The following CRACR2A variants were observed in gnomAD, a reference collection of about 807,000 sequenced individuals.
The protein encoded by CRACR2A is EF-hand calcium-binding domain-containing protein 4B.
A neutral mutation model predicts 90.5 loss-of-function variants in CRACR2A; 79 were observed. The observed-to-expected ratio is 0.87, with a 90% CI of 0.73 to 1.05. CRACR2A has a LOEUF of 1.05. CRACR2A is among the 50% of genes least tolerant of loss of function. The probability of loss-of-function intolerance (pLI) is 0.00; values close to 1 mark genes in which losing one functional copy is unlikely to be tolerated. For missense variants in CRACR2A, 823 were observed against 897.2 expected, an observed-to-expected ratio of 0.92 and a Z score of 1.06; for synonymous variants, 338 against 356.7, an observed-to-expected ratio of 0.95 and a Z score of 0.59.
intron 14 of CRACR2A, among the ~76,000 whole-genome samples, chr12:3,637,797 A>C (rs1395753566): frequency 6.6e-6 from 1 of 152,206 alleles, no homozygotes; most frequent in African/African-American, 2.4e-5. Flanking sequence ...GTGTGCTCTC[A>C]TGGTAACTGG....
At chr12:3,629,100 C>T (rs1038400419) in intron 15 of CRACR2A, among the ~76,000 whole-genome samples, 1 of 152,188 alleles carries the variant, frequency 6.6e-6, no homozygotes, top group African/African-American at 2.4e-5. Context: ...TTCACAGAGT[C>T]CCACTGTGAC....
At chr12:3,629,671 C>G (rs989990767) in intron 15 of CRACR2A, among the ~76,000 whole-genome samples, 16 of 152,182 alleles carry the variant, frequency 1.1e-4, no homozygotes, top group African/African-American at 3.9e-4. Context: ...CTGCCTCTGG[C>G]AGGGAGTGAG....
intron 3 of CRACR2A, among the ~76,000 whole-genome samples, chr12:3,703,150 G>A (rs1480333400): frequency 5.3e-5 from 8 of 152,152 alleles, no homozygotes; most frequent in East Asian, 1.9e-4. Flanking sequence ...GTGCAGTGGC[G>A]CGATCTCTGG....
chr12:3,622,632 G>T (rs982285255), intron 17 of CRACR2A, among the ~76,000 whole-genome samples: 2 of 151,132 alleles, frequency 1.3e-5, no homozygotes, highest in African/African-American at 4.9e-5. Flanking sequence ...CTATGTGCAT[G>T]TGTGTGTGTG....
Position 3,633,465 on chromosome 12 carries a change from G to T in CRACR2A, c.1735+139C>A, listed in dbSNP as rs1442040745. The T allele has an allele frequency of 4.3e-6, 5 of 1,176,058 alleles. No individual in the cohort carries two copies. The highest frequency in any genetic ancestry group is 2.4e-5 in the Admixed American group (1 of 41,222). 72.9% of individuals were successfully genotyped at this position (1,176,058 alleles called of 1,614,324 possible). ...CCCCTCCCAGCCTGTCTGTTGAACA[G>T]AGCAGACACCAGTATCCCTACTGGC... On this transcript the variant is annotated intron_variant, in intron 15 of 19. Coordinates refer to ENST00000440314, the MANE Select transcript of CRACR2A (RefSeq NM_001144958.2). This position sits in a 1 kb window ranked among gnomAD's most constrained non-coding sequence, Gnocchi z 4.5.
At chr12:3,707,286 C>G (rs1197928382) in intron 3 of CRACR2A, among the ~76,000 whole-genome samples, 1 of 152,208 alleles carries the variant, frequency 6.6e-6, no homozygotes, top group African/African-American at 2.4e-5. Context: ...TCAAGGGAGA[C>G]AGGGAACAGC....
At chr12:3,639,457 A>AACACACACTCACACACACACACACAC (rs1555107011) in intron 13 of CRACR2A, among the ~76,000 whole-genome samples, 1 of 139,466 alleles carries the variant, frequency 7.2e-6, no homozygotes, top group Non-Finnish European at 1.5e-5. Flanking sequence ...CCAGAATTGA[A>AACACACACTCACACACACACACACAC]ACACACACAC....
intron 3 of CRACR2A, among the ~76,000 whole-genome samples, chr12:3,704,225 T>C (rs1945880070): frequency 6.6e-6 from 1 of 152,224 alleles, no homozygotes; most frequent in South Asian, 2.1e-4. Flanking sequence ...TTAAAGGGAA[T>C]GAACTGTTGA....
At chr12:3,669,780 G>A (rs1475340059) in intron 7 of CRACR2A, among the ~76,000 whole-genome samples, 3 of 152,156 alleles carry the variant, frequency 2.0e-5, no homozygotes, top group Non-Finnish European at 4.4e-5. Flanking sequence ...GGAAGCTGGG[G>A]TGGGCCTTTT....
intron 7 of CRACR2A, among the ~76,000 whole-genome samples, chr12:3,664,190 TTTA>T (rs1483258961): frequency 6.6e-6 from 1 of 152,240 alleles, no homozygotes; most frequent in Non-Finnish European, 1.5e-5. Context: ...GGTTTCTAGT[TTTA>T]TTATATTATA....
In CRACR2A at chr12:3,719,762, C is replaced by T. The variant is rs982390738; in HGVS notation, c.-117-6445G>A. On this transcript the variant is annotated intron_variant, in intron 2 of 19. Transcript: ENST00000440314. The stretch of plus-strand genomic sequence containing the variant: ...TCAGATTGTGAATGGACTTATCTCT[C>T]TTATATCTGCTTTCATTGTCCTGCT... 3.9e-5 allele frequency among the ~76,000 whole-genome samples: 6 copies of T among 152,280 alleles called. No homozygotes were observed. The South Asian group carries it at 1.2e-3, about 32-fold the overall frequency.
Position 3,679,075 on chromosome 12 carries a change from T to C in CRACR2A, c.364A>G (p.Asn122Asp). ...GFSHFFFSQN[N>D]PSQEDAGEQV... is the part of the protein sequence containing the mutation. ...TCACCTGCATCTTCCTGACTTGGGT[T>C]ATTCTGGCTGAAGAAGAAGTGACCT... The change falls in exon 6 of 20, where the codon AAC (asparagine) becomes GAC (aspartate). Residue 122 changes from asparagine (N) to aspartate (D), a missense_variant. Physicochemically the swap from Asn to Asp is conservative, Grantham distance 23. Coordinates refer to ENST00000440314, the MANE Select transcript of CRACR2A (RefSeq NM_001144958.2). The C allele has an allele frequency of 6.2e-7, 1 of 1,613,096 alleles. No homozygotes were observed. Among genetic ancestry groups the C allele is most frequent in the Non-Finnish European group, 8.5e-7 (1 of 1,179,596 alleles).
At chr12:3,751,479 TTAA>T (rs1434263995) in intron 1 of CRACR2A, among the ~76,000 whole-genome samples, 2 of 152,174 alleles carry the variant, frequency 1.3e-5, no homozygotes, top group African/African-American at 4.8e-5. Context: ...ATCCCTAGGC[TTAA>T]TAATGAAGTT....
At position 3,695,012 on chromosome 12, in the gene CRACR2A, G is replaced by A. The variant is rs12579245; in HGVS notation, c.228+1760C>T. Among the ~76,000 whole-genome samples the A allele has an allele frequency of 1.8e-3, 281 of 152,228 alleles. 5 individuals are homozygous for A. The East Asian group carries it at 0.035, about 19-fold the overall frequency. ...ACTATATTTCAAGTCAAATACAAGCGATTTCTTTAAAACTTTATACCTAGT... is the reference window on the plus strand; with the variant it reads ...ACTATATTTCAAGTCAAATACAAGCAATTTCTTTAAAACTTTATACCTAGT... On this transcript the variant is annotated intron_variant, in intron 4 of 19. Coordinates refer to ENST00000440314, the MANE Select transcript of CRACR2A (RefSeq NM_001144958.2).
intron 7 of CRACR2A, among the ~76,000 whole-genome samples, chr12:3,670,697 A>G (rs1402568242): frequency 6.6e-6 from 1 of 152,198 alleles, no homozygotes; most frequent in Non-Finnish European, 1.5e-5. Flanking sequence ...TGATGCCCAG[A>G]GAGGTAATGC....
chr12:3,721,729 G>A (rs978012622), intron 2 of CRACR2A, among the ~76,000 whole-genome samples: 2 of 152,108 alleles, frequency 1.3e-5, no homozygotes, highest in Non-Finnish European at 2.9e-5. Flanking sequence ...ACTGAAAAAA[G>A]ACTAGAAGGA....
In CRACR2A at chr12:3,737,722, C is replaced by T. The variant is rs184643504; in HGVS notation, c.-386-4512G>A. On this transcript the variant is annotated intron_variant, in intron 1 of 19. Coordinates refer to ENST00000440314, the MANE Select transcript of CRACR2A (RefSeq NM_001144958.2). ...AGTGGGGGGAAGGAGCAGTTGAGGC[C>T]AGCATGGACTCTGTGGTCCCATCTA... Among the ~76,000 whole-genome samples the T allele has an allele frequency of 1.6e-4, 24 of 152,276 alleles. No homozygotes were observed. The East Asian group carries it at 4.3e-3, about 27-fold the overall frequency.
chr12:3,738,589 G>A (rs192040158), intron 1 of CRACR2A, among the ~76,000 whole-genome samples: 3 of 152,082 alleles, frequency 2.0e-5, no homozygotes, highest in African/African-American at 7.2e-5. Flanking sequence ...TAACCAAAAT[G>A]CAGCACAAAA....
At chr12:3,618,546 C>G (rs4765744) in intron 18 of CRACR2A, among the ~76,000 whole-genome samples, 3 of 152,100 alleles carry the variant, frequency 2.0e-5, no homozygotes, top group African/African-American at 7.2e-5. Context: ...CCTCCTTTTT[C>G]CTTGAGTCTT....
Sources: gnomAD v4.1 joint callset for allele counts (sites outside exome capture counted in the v4.1 genomes callset) on GRCh38, gnomAD v4.1.1 for gene constraint, Gnocchi (gnomAD v3.1) non-coding constraint, MANE v1.5 for transcripts, NCBI Gene and HGNC (gene_info 2026-07-23, HGNC 2026-07-21) for gene names.